Variants in RBPJ observed in about 807,000 individuals in gnomAD.
The protein encoded by RBPJ is recombination signal binding protein for immunoglobulin kappa J region, also known as recombining binding protein suppressor of hairless.
RBPJ carries 9 observed loss-of-function variants against 67.8 expected under a neutral mutation model. The ratio of observed to expected loss-of-function variants is 0.13; its 90% confidence interval spans 0.08 to 0.23. The LOEUF (loss-of-function observed/expected upper bound fraction) is 0.23, where lower values mean the gene tolerates loss of function less well. RBPJ is among the 10% of genes least tolerant of loss of function. The pLI is 1.00. For synonymous variants in RBPJ, 198 were observed against 203.3 expected, an observed-to-expected ratio of 0.97 and a Z score of 0.22; for missense variants, 305 against 595.6, an observed-to-expected ratio of 0.51 and a Z score of 5.08.
chr4:26,394,701 A>C (rs1376157815), intron 2 of RBPJ, among the ~76,000 whole-genome samples: 1 of 152,154 alleles, frequency 6.6e-6, no homozygotes, highest in Non-Finnish European at 1.5e-5. Context: ...TTTTTAAAAA[A>C]GAGATATTAT....
At chr4:26,115,890 T>A in the RBPJ span, among the ~76,000 whole-genome samples, 2 of 151,916 alleles carry the variant, frequency 1.3e-5, no homozygotes, top group African/African-American at 4.8e-5. Flanking sequence ...AAGGTTAACA[T>A]CAGTTGAAAT....
At chr4:26,255,624 A>G (rs910992785) in intron 1 of RBPJ, among the ~76,000 whole-genome samples, 10 of 149,646 alleles carry the variant, frequency 6.7e-5, no homozygotes, top group South Asian at 2.1e-4. Context: ...AACACGGTGA[A>G]ACCCCGTCTC....
At chr4:26,230,699 A>G (rs1719248251) in intron 1 of RBPJ, among the ~76,000 whole-genome samples, 2 of 152,176 alleles carry the variant, frequency 1.3e-5, no homozygotes, top group African/African-American at 2.4e-5. Flanking sequence ...GACCAATGGC[A>G]TATTTTTATT....
At chr4:26,394,631 G>A (rs1432147221) in intron 2 of RBPJ, among the ~76,000 whole-genome samples, 2 of 152,186 alleles carry the variant, frequency 1.3e-5, no homozygotes, top group Admixed American at 6.5e-5. Flanking sequence ...GGAGTGCTTA[G>A]TGTGTCGAGT....
chr4:26,303,197 TAAATAAATA>T (rs1722129226), intron 1 of RBPJ, among the ~76,000 whole-genome samples: 1 of 142,126 alleles, frequency 7.0e-6, no homozygotes. Flanking sequence ...AATAAATAAA[TAAATAAATA>T]AATAAATAAA....
intron 1 of RBPJ, chr4:26,362,700 T>G (rs1728202248): frequency 8.5e-7 from 1 of 1,179,600 alleles, no homozygotes; most frequent in African/African-American, 1.5e-5. Flanking sequence ...TGTATTTAGT[T>G]AATGCATATT....
At chr4:26,253,292 C>A (rs1430754288) in intron 1 of RBPJ, among the ~76,000 whole-genome samples, 1 of 149,662 alleles carries the variant, frequency 6.7e-6, no homozygotes, top group Non-Finnish European at 1.5e-5. Context: ...TATCAGATAT[C>A]TTAATCTGCT....
intron 1 of RBPJ, among the ~76,000 whole-genome samples, chr4:26,354,163 C>T (rs944824934): frequency 2.7e-5 from 4 of 150,484 alleles, no homozygotes; most frequent in South Asian, 2.1e-4. Context: ...GATCTCCTGA[C>T]CTCGTGATCC....
chr4:26,238,503 C>T (rs1350461662), intron 1 of RBPJ, among the ~76,000 whole-genome samples: 1 of 152,220 alleles, frequency 6.6e-6, no homozygotes, highest in Non-Finnish European at 1.5e-5. Context: ...GCTTGGCACA[C>T]TACAAGAGTT....
At chr4:26,259,541 T>A (rs2109248466) in intron 1 of RBPJ, among the ~76,000 whole-genome samples, 1 of 152,330 alleles carries the variant, frequency 6.6e-6, no homozygotes, top group South Asian at 2.1e-4. Flanking sequence ...CAGCAATTCT[T>A]CAAAGAAATG....
At chr4:26,242,774 AATT>A (rs1255157469) in intron 1 of RBPJ, among the ~76,000 whole-genome samples, 1 of 151,826 alleles carries the variant, frequency 6.6e-6, no homozygotes, top group Non-Finnish European at 1.5e-5. Context: ...AAGTGGTAAA[AATT>A]ATTAATTTTC....
chr4:26,311,106 T>C (rs1310465409), intron 1 of RBPJ, among the ~76,000 whole-genome samples: 1 of 152,230 alleles, frequency 6.6e-6, no homozygotes, highest in Non-Finnish European at 1.5e-5. Context: ...CTGTTCTATG[T>C]ACTTGAAACA....
At chr4:26,155,238 G>T in the RBPJ span, among the ~76,000 whole-genome samples, 1 of 152,068 alleles carries the variant, frequency 6.6e-6, no homozygotes, top group African/African-American at 2.4e-5. Context: ...ACCATTTCCA[G>T]CTAACTCTTA....
chr4:26,339,298 G>T (rs936546713), intron 1 of RBPJ, among the ~76,000 whole-genome samples: 20 of 152,108 alleles, frequency 1.3e-4, no homozygotes, highest in South Asian at 8.3e-4. Context: ...GTTTACCTGC[G>T]AGTTGGTAGG....
intron 1 of RBPJ, among the ~76,000 whole-genome samples, chr4:26,266,396 A>G (rs1050009583): frequency 6.6e-6 from 1 of 152,242 alleles, no homozygotes; most frequent in Non-Finnish European, 1.5e-5. Flanking sequence ...ATTTATTAAT[A>G]CATGCTAGGT....
At chr4:26,178,710 T>C (rs1170183592) in intron 1 of RBPJ, among the ~76,000 whole-genome samples, 1 of 151,554 alleles carries the variant, frequency 6.6e-6, no homozygotes, top group Non-Finnish European at 1.5e-5. Context: ...GGGAACAATT[T>C]TGAGAACCCA....
At chr4:26,152,187 C>T in the RBPJ span, among the ~76,000 whole-genome samples, 1 of 152,244 alleles carries the variant, frequency 6.6e-6, no homozygotes, top group Non-Finnish European at 1.5e-5. Flanking sequence ...ATACTATCCA[C>T]TCCTGCACTG....
At chr4:26,335,071 T>C (rs1724665963) in intron 1 of RBPJ, among the ~76,000 whole-genome samples, 1 of 152,214 alleles carries the variant, frequency 6.6e-6, no homozygotes, top group Non-Finnish European at 1.5e-5. Flanking sequence ...TCCTATAAAA[T>C]AGACTTGATA....
chr4:26,424,833 C>T lies in RBPJ; in HGVS notation c.747+90C>T. ...CACAACATTCAAATGGAAAAACACA[C>T]CTCAGTTTTATGCTTTTTAATTTTA... is the stretch of plus-strand genomic sequence containing the variant. On this transcript the variant is annotated intron_variant, in intron 7 of 10. Transcript: ENST00000355476. The surrounding 1 kb of genome is among the most constrained non-coding windows in gnomAD (Gnocchi z 5.3). 2 of 744,310 alleles carry T rather than the reference C, an allele frequency of 2.7e-6. No individual in the cohort carries two copies. Among genetic ancestry groups the T allele is most frequent in the South Asian group, 3.5e-5 (2 of 57,116 alleles). 46.1% of individuals were successfully genotyped at this position (744,310 alleles called of 1,614,324 possible). A position where few individuals can be genotyped will look rare whatever the true frequency, so the allele number is the denominator to read the frequency against.
Sources: allele counts gnomAD v4.1 joint callset (sites outside exome capture counted in the v4.1 genomes callset), GRCh38; gene constraint gnomAD v4.1.1; non-coding constraint Gnocchi (gnomAD v3.1); transcripts MANE v1.5; gene names NCBI Gene and HGNC (gene_info 2026-07-23, HGNC 2026-07-21).